The following KIAA1549 variants were observed in gnomAD, a reference collection of about 807,000 sequenced individuals.
KIAA1549 encodes KIAA1549.
In KIAA1549, 70 loss-of-function variants were observed where a neutral mutation model predicts 156.4. The ratio of observed to expected loss-of-function variants is 0.45; its 90% CI spans 0.37 to 0.55. The LOEUF (loss-of-function observed/expected upper bound fraction) is 0.55. Among genes scored for constraint, KIAA1549 ranks in the 20% least tolerant of loss-of-function variants. The probability of loss-of-function intolerance (pLI) is 0.00; values close to 1 mark genes in which losing one functional copy is unlikely to be tolerated. For missense variants in KIAA1549, 2,428 were observed against 2,540.9 expected, an observed-to-expected ratio of 0.96 and a Z score of 0.96; for synonymous variants, 1,103 against 1,066.4, an observed-to-expected ratio of 1.03 and a Z score of -0.67.
rs1242742658 is a variant in KIAA1549, at chr7:138,861,492, G to A, written c.4930-36C>T. ...AAATGGCAAAGGAAGAATCACACAT[G>A]AGTTTTTGTGGCAACCCTAAACAGT... On this transcript the variant is annotated intron_variant, in intron 15 of 19. Transcript: ENST00000422774. 10 of 1,532,526 alleles carry A rather than the reference G, an allele frequency of 6.5e-6. No individual in the cohort carries two copies. In the South Asian group the frequency reaches 1.2e-4, roughly 18 times the overall value. 94.9% of individuals were successfully genotyped at this position (1,532,526 alleles called of 1,614,324 possible). A position where few individuals can be genotyped will look rare whatever the true frequency, so the allele number is the denominator to read the frequency against.
intron 15 of KIAA1549, among the ~76,000 whole-genome samples, chr7:138,862,951 C>T (rs550671110): frequency 3.3e-5 from 5 of 151,938 alleles, no homozygotes; most frequent in South Asian, 2.1e-4. Context: ...GAAAAAAAAA[C>T]GCAAAGGTTC....
chr7:138,892,274 C>A (rs1811566818), intron 10 of KIAA1549, among the ~76,000 whole-genome samples: 1 of 152,118 alleles, frequency 6.6e-6, no homozygotes, highest in African/African-American at 2.4e-5. Context: ...CCATTTTGAC[C>A]CCAAGAGACG....
intron 16 of KIAA1549, among the ~76,000 whole-genome samples, chr7:138,852,795 G>C (rs184309595): frequency 3.0e-4 from 46 of 152,300 alleles, no homozygotes; most frequent in African/African-American, 1.1e-3. Flanking sequence ...AAGAAAACCA[G>C]AAACTAGAGA....
At position 138,876,975 on chromosome 7, in the gene KIAA1549, G is replaced by C. The variant is rs568966983; in HGVS notation, c.4345+2563C>G. Among the ~76,000 whole-genome samples the C allele has an allele frequency of 9.2e-5, 14 of 152,220 alleles. No individual in the cohort carries two copies. In the South Asian group the frequency reaches 2.9e-3, roughly 32 times the overall value. The stretch of plus-strand genomic sequence containing the variant: ...TTCTCTCAGCTTCCATTGCAAGGTG[G>C]GTCCTTAATATGCCACATGACCTGG... On this transcript the variant is annotated intron_variant, in intron 12 of 19. Coordinates refer to ENST00000422774, the MANE Select transcript of KIAA1549 (RefSeq NM_001164665.2).
chr7:138,974,442 T>C, intron 1 of KIAA1549, among the ~76,000 whole-genome samples: 1 of 151,994 alleles, frequency 6.6e-6, no homozygotes, highest in East Asian at 1.9e-4. Context: ...TGGTTTGGTT[T>C]TGTTTTTTGA....
At chr7:138,973,261 T>A (rs1012630822) in intron 1 of KIAA1549, among the ~76,000 whole-genome samples, 3 of 152,106 alleles carry the variant, frequency 2.0e-5, no homozygotes, top group African/African-American at 7.3e-5. Context: ...AAGAATAACA[T>A]AAAGAGCTTG....
At chr7:138,969,370 G>A (rs1320946118) in intron 1 of KIAA1549, among the ~76,000 whole-genome samples, 1 of 152,138 alleles carries the variant, frequency 6.6e-6, no homozygotes, top group African/African-American at 2.4e-5. Context: ...TCACGTAAGT[G>A]GAATCCTACA....
chr7:138,887,353 T>C (rs1359099553), intron 10 of KIAA1549, among the ~76,000 whole-genome samples: 1 of 152,348 alleles, frequency 6.6e-6, no homozygotes, highest in East Asian at 1.9e-4. Context: ...CGTATTTAAA[T>C]AAAATGCGTT....
At chr7:138,915,729 T>C (rs945664343) in intron 2 of KIAA1549, among the ~76,000 whole-genome samples, 1 of 152,148 alleles carries the variant, frequency 6.6e-6, no homozygotes, top group African/African-American at 2.4e-5. Context: ...GTCCCCTTTT[T>C]CATTTCTGTC....
At chr7:138,946,587 C>A (rs1416025910) in intron 1 of KIAA1549, among the ~76,000 whole-genome samples, 5 of 152,126 alleles carry the variant, frequency 3.3e-5, no homozygotes, top group African/African-American at 1.2e-4. Flanking sequence ...CAAGACCAGC[C>A]TGAGCAACAT....
chr7:138,886,280 CT>C (rs893380233), intron 10 of KIAA1549, among the ~76,000 whole-genome samples: 3 of 151,186 alleles, frequency 2.0e-5, no homozygotes, highest in Non-Finnish European at 4.4e-5. Flanking sequence ...GACCTAAGGT[CT>C]TTTTTTTTCA....
chr7:138,976,601 T>A (rs1814387498), intron 1 of KIAA1549, among the ~76,000 whole-genome samples: 1 of 152,224 alleles, frequency 6.6e-6, no homozygotes, highest in African/African-American at 2.4e-5. Context: ...CCTCATTTTT[T>A]AATTAAACTT....
intron 12 of KIAA1549, among the ~76,000 whole-genome samples, chr7:138,878,243 G>A (rs550919936): frequency 3.8e-4 from 58 of 152,082 alleles, no homozygotes; most frequent in African/African-American, 1.2e-3. Context: ...AGCAACCCGC[G>A]AGGCCACAAG....
chr7:138,957,459 C>T (rs200496708), intron 1 of KIAA1549, among the ~76,000 whole-genome samples: 35 of 125,270 alleles, frequency 2.8e-4, no homozygotes, highest in African/African-American at 7.4e-4. Flanking sequence ...CCCTCCTTCT[C>T]CTTCTTCTTC....
At chr7:138,856,456 C>A (rs756794328) in intron 16 of KIAA1549, among the ~76,000 whole-genome samples, 3 of 152,204 alleles carry the variant, frequency 2.0e-5, no homozygotes, top group Admixed American at 6.5e-5. Flanking sequence ...AATTTATCCA[C>A]TGCATTGCAC....
At chr7:138,939,963 A>G (rs1813127513) in intron 1 of KIAA1549, among the ~76,000 whole-genome samples, 1 of 152,212 alleles carries the variant, frequency 6.6e-6, no homozygotes, top group Admixed American at 6.5e-5. Context: ...CCTGGGCAAC[A>G]TAGCAAGACC....
At chr7:138,861,029 A>G in intron 16 of KIAA1549, 110 bp downstream of exon 16, 1 of 1,067,330 alleles carries the variant, frequency 9.4e-7, no homozygotes, top group Non-Finnish European at 1.4e-6. Flanking sequence ...CCGAGTTTTA[A>G]TTCTTATCAA....
At chr7:138,850,047 C>A (rs1182193074) in intron 17 of KIAA1549, among the ~76,000 whole-genome samples, 1 of 152,038 alleles carries the variant, frequency 6.6e-6, no homozygotes, top group African/African-American at 2.4e-5. Context: ...TTCTTCACAG[C>A]CGAACAATTT....
chr7:138,945,498 T>C (rs891736219), intron 1 of KIAA1549, among the ~76,000 whole-genome samples: 2 of 152,226 alleles, frequency 1.3e-5, no homozygotes, highest in African/African-American at 4.8e-5. Context: ...AAGGTGACCT[T>C]GACCCCACTA....
Sources: allele counts gnomAD v4.1 joint callset (sites outside exome capture counted in the v4.1 genomes callset), GRCh38; gene constraint gnomAD v4.1.1; transcripts MANE v1.5; gene names NCBI Gene and HGNC (gene_info 2026-07-23, HGNC 2026-07-21).